Variants in ASTN2 observed in about 807,000 individuals in gnomAD.
The protein encoded by ASTN2 is astrotactin-2.
ASTN2 carries 54 observed loss-of-function variants against 139.8 expected under a neutral mutation model. The ratio of observed to expected loss-of-function variants is 0.39; its 90% CI spans 0.31 to 0.48. The LOEUF is 0.48. Among genes scored for constraint, ASTN2 ranks in the 20% least tolerant of loss-of-function variants. The pLI is 0.95. For synonymous variants in ASTN2, 756 were observed against 719.5 expected, an observed-to-expected ratio of 1.05 and a Z score of -0.81; for missense variants, 1,565 against 1,725.1, an observed-to-expected ratio of 0.91 and a Z score of 1.64.
At chr9:117,306,268 T>C (rs1008380283) in intron 1 of ASTN2, among the ~76,000 whole-genome samples, 1 of 152,158 alleles carries the variant, frequency 6.6e-6, no homozygotes, top group Admixed American at 6.5e-5. Context: ...CCAAGCCCTT[T>C]GTGGAAGCTT....
At chr9:116,443,553 T>C (rs769963264) in intron 20 of ASTN2, among the ~76,000 whole-genome samples, 1 of 152,030 alleles carries the variant, frequency 6.6e-6, no homozygotes, top group African/African-American at 2.4e-5. Flanking sequence ...CCAGAGCACA[T>C]AATTGTTTCT....
At chr9:116,438,822 T>C (rs1251203908) in intron 22 of ASTN2, among the ~76,000 whole-genome samples, 1 of 151,926 alleles carries the variant, frequency 6.6e-6, no homozygotes, top group Non-Finnish European at 1.5e-5. Context: ...TGGTGGTGGG[T>C]GTCTATAATC....
At chr9:116,810,764 A>G (rs1831142810) in intron 12 of ASTN2, among the ~76,000 whole-genome samples, 1 of 152,134 alleles carries the variant, frequency 6.6e-6, no homozygotes, top group African/African-American at 2.4e-5. Context: ...TTTATATAAG[A>G]TAGATGTTAT....
chr9:116,572,873 C>T (rs1853576257), intron 19 of ASTN2, among the ~76,000 whole-genome samples: 1 of 152,106 alleles, frequency 6.6e-6, no homozygotes, highest in Non-Finnish European at 1.5e-5. Context: ...CAAAGGCACT[C>T]TTGTGAGAAG....
chr9:116,860,023 A>G (rs1039963753), intron 11 of ASTN2, among the ~76,000 whole-genome samples: 63 of 152,196 alleles, frequency 4.1e-4, no homozygotes, highest in African/African-American at 1.5e-3. Flanking sequence ...CAGCAGCTGT[A>G]CTACACACCT....
chr9:116,841,447 A>T (rs2132305894), intron 11 of ASTN2, among the ~76,000 whole-genome samples: 1 of 152,224 alleles, frequency 6.6e-6, no homozygotes, highest in African/African-American at 2.4e-5. Context: ...TCTTATGCTG[A>T]CCAGGCTGGT....
At chr9:117,227,245 C>T (rs1832744698) in intron 2 of ASTN2, among the ~76,000 whole-genome samples, 1 of 152,212 alleles carries the variant, frequency 6.6e-6, no homozygotes, top group Non-Finnish European at 1.5e-5. Context: ...ATCACCAGAT[C>T]TCTATTTCCT....
chr9:116,500,832 C>T (rs745817326), intron 19 of ASTN2, among the ~76,000 whole-genome samples: 10 of 152,250 alleles, frequency 6.6e-5, no homozygotes, highest in Non-Finnish European at 1.3e-4. Context: ...TAAACAGCAG[C>T]TTTGCTATTA....
intron 10 of ASTN2, among the ~76,000 whole-genome samples, chr9:116,970,965 G>T (rs1266320428): frequency 6.6e-6 from 1 of 152,138 alleles, no homozygotes; most frequent in East Asian, 1.9e-4. Context: ...AATAAGTGTT[G>T]TTTGCCATGC....
At chr9:117,122,699 A>G (rs1188136317) in intron 4 of ASTN2, among the ~76,000 whole-genome samples, 1 of 152,130 alleles carries the variant, frequency 6.6e-6, no homozygotes, top group South Asian at 2.1e-4. Flanking sequence ...CACCAACTTA[A>G]AAGACTTTAT....
chr9:116,752,777 C>A (rs1241753248), intron 13 of ASTN2, among the ~76,000 whole-genome samples: 1 of 152,184 alleles, frequency 6.6e-6, no homozygotes, highest in African/African-American at 2.4e-5. Context: ...CACACATCAT[C>A]CCATGTCATT....
intron 11 of ASTN2, among the ~76,000 whole-genome samples, chr9:116,855,427 G>T (rs1832715394): frequency 6.6e-6 from 1 of 152,020 alleles, no homozygotes; most frequent in African/African-American, 2.4e-5. Context: ...TTCTTTACTG[G>T]CTATTCTTAT....
chr9:117,371,681 C>T (rs1829994954), intron 1 of ASTN2, among the ~76,000 whole-genome samples: 1 of 152,006 alleles, frequency 6.6e-6, no homozygotes, highest in Admixed American at 6.6e-5. Flanking sequence ...ATTAATAATA[C>T]CTGAAGCACT....
Position 116,982,848 on chromosome 9 carries a change from C to T in ASTN2, c.1592-6063G>A, listed in dbSNP as rs890650304. 2.6e-5 allele frequency among the ~76,000 whole-genome samples: 4 copies of T among 152,178 alleles called. No homozygotes were observed. The South Asian group carries it at 8.3e-4, about 32-fold the overall frequency. On this transcript the variant is annotated intron_variant, in intron 7 of 22. Coordinates refer to ENST00000313400, the MANE Select transcript of ASTN2 (RefSeq NM_001365068.1). ...CGAAGCTGTTCCTGTGTTTCCAGAG[C>T]TACGAAGACATGTTGCCTGTGTCCA... is the stretch of plus-strand genomic sequence containing the variant.
chr9:116,438,651 A>T (rs376203116), intron 22 of ASTN2, among the ~76,000 whole-genome samples: 5 of 152,326 alleles, frequency 3.3e-5, no homozygotes, highest in African/African-American at 1.2e-4. Context: ...GGTTACTTCA[A>T]AAGGAAAATC....
At chr9:116,588,226 T>A (rs1854237995) in intron 19 of ASTN2, among the ~76,000 whole-genome samples, 1 of 152,214 alleles carries the variant, frequency 6.6e-6, no homozygotes, top group Admixed American at 6.5e-5. Flanking sequence ...TCAGCTCTGC[T>A]TAAGAAGAAC....
intron 13 of ASTN2, among the ~76,000 whole-genome samples, chr9:116,767,461 G>T (rs751886768): frequency 6.6e-6 from 1 of 152,208 alleles, no homozygotes; most frequent in Non-Finnish European, 1.5e-5. Context: ...TTCTCTAGGC[G>T]TATGCAGGCC....
chr9:117,114,159 C>A, intron 4 of ASTN2, among the ~76,000 whole-genome samples: 1 of 140,448 alleles, frequency 7.1e-6, no homozygotes. Context: ...TTTTAATGAA[C>A]ATTAGTCTTT....
intron 19 of ASTN2, among the ~76,000 whole-genome samples, chr9:116,615,417 C>T (rs1037875487): frequency 3.2e-4 from 49 of 152,090 alleles, no homozygotes; most frequent in Non-Finnish European, 5.0e-4. Flanking sequence ...TATAAAGACA[C>T]GTGCACACGT....
Sources: allele counts gnomAD v4.1 joint callset (sites outside exome capture counted in the v4.1 genomes callset), GRCh38; gene constraint gnomAD v4.1.1; transcripts MANE v1.5; gene names NCBI Gene and HGNC (gene_info 2026-07-23, HGNC 2026-07-21).